Variants in NBAS observed in about 807,000 individuals in gnomAD.
NBAS encodes the protein NAG/BC035112 fusion.
NBAS carries 219 observed loss-of-function variants against 302.5 expected under a neutral mutation model. The ratio of observed to expected loss-of-function variants is 0.72; its 90% CI spans 0.65 to 0.81. The LOEUF is 0.81. Ranked by LOEUF, NBAS falls within the 30% of genes least tolerant of loss-of-function variation. NBAS has a pLI of 0.00. For missense variants in NBAS, 2,932 were observed against 2,841.6 expected, an observed-to-expected ratio of 1.03 and a Z score of -0.72; for synonymous variants, 1,118 against 1,021.6, an observed-to-expected ratio of 1.09 and a Z score of -1.80.
At chr2:15,318,592 T>C (rs1035189521) in intron 38 of NBAS, among the ~76,000 whole-genome samples, 3 of 151,838 alleles carry the variant, frequency 2.0e-5, no homozygotes, top group African/African-American at 7.3e-5. Flanking sequence ...AAAGCAGGGG[T>C]TGCAATCCTA....
At chr2:15,022,501 G>A in the NBAS span, among the ~76,000 whole-genome samples, 3 of 152,038 alleles carry the variant, frequency 2.0e-5, no homozygotes, top group Non-Finnish European at 4.4e-5. Flanking sequence ...TTACAATAGG[G>A]ATCTGAAACT....
At chr2:15,107,063 G>GA in the NBAS span, among the ~76,000 whole-genome samples, 2 of 152,204 alleles carry the variant, frequency 1.3e-5, no homozygotes, top group South Asian at 2.1e-4. Context: ...GGTTCCAAAA[G>GA]AAAAATATTC....
the NBAS span, among the ~76,000 whole-genome samples, chr2:14,922,118 G>T: frequency 6.6e-6 from 1 of 152,184 alleles, no homozygotes; most frequent in Non-Finnish European, 1.5e-5. Flanking sequence ...AGCTTGAAAA[G>T]CCTGACCTCT....
At chr2:14,847,382 T>TAAAAAAAAAA in the NBAS span, among the ~76,000 whole-genome samples, 15 of 53,118 alleles carry the variant, frequency 2.8e-4, no homozygotes, top group East Asian at 1.5e-3. Flanking sequence ...GACTCTATCT[T>TAAAAAAAAAA]AAAAAAAAAA....
intron 42 of NBAS, among the ~76,000 whole-genome samples, chr2:15,286,511 C>T (rs368597905): frequency 6.6e-6 from 1 of 152,206 alleles, no homozygotes; most frequent in African/African-American, 2.4e-5. Flanking sequence ...CCATGTTCCA[C>T]CCAAATCCCT....
intron 21 of NBAS, among the ~76,000 whole-genome samples, chr2:15,443,764 A>G (rs1031770358): frequency 2.0e-5 from 3 of 151,808 alleles, no homozygotes; most frequent in Admixed American, 2.0e-4. Flanking sequence ...CCACTGTCTC[A>G]GCCCAAAATC....
At chr2:15,532,838 A>G (rs1249510906) in intron 9 of NBAS, among the ~76,000 whole-genome samples, 1 of 152,062 alleles carries the variant, frequency 6.6e-6, no homozygotes, top group African/African-American at 2.4e-5. Flanking sequence ...TATAAGAAAA[A>G]ATTTTTAAGA....
intron 44 of NBAS, among the ~76,000 whole-genome samples, chr2:15,242,017 C>G (rs959549007): frequency 1.3e-5 from 2 of 152,196 alleles, no homozygotes; most frequent in Non-Finnish European, 2.9e-5. Flanking sequence ...AGTCATGTTT[C>G]ATTATCGAGA....
intron 21 of NBAS, among the ~76,000 whole-genome samples, chr2:15,430,725 T>G (rs2148490727): frequency 6.6e-6 from 1 of 152,260 alleles, no homozygotes; most frequent in South Asian, 2.1e-4. Flanking sequence ...GACTATAGTC[T>G]AGTCCCCAAC....
At chr2:15,090,094 C>T in the NBAS span, among the ~76,000 whole-genome samples, 14 of 152,268 alleles carry the variant, frequency 9.2e-5, no homozygotes, top group South Asian at 2.9e-3. Context: ...ATAGATAGGA[C>T]TCTGAATTGT....
intron 48 of NBAS, among the ~76,000 whole-genome samples, chr2:15,206,677 G>A (rs865975554): frequency 1.1e-4 from 16 of 152,304 alleles, no homozygotes; most frequent in African/African-American, 3.8e-4. Flanking sequence ...AGCCACTCAG[G>A]CTCCAGCTGT....
At chr2:15,368,090 T>A (rs572042587) in intron 31 of NBAS, among the ~76,000 whole-genome samples, 6 of 151,822 alleles carry the variant, frequency 4.0e-5, no homozygotes, top group Non-Finnish European at 8.8e-5. Flanking sequence ...CACACAAATA[T>A]ACATACACAT....
the NBAS span, among the ~76,000 whole-genome samples, chr2:15,104,745 A>T: frequency 6.6e-6 from 1 of 152,150 alleles, no homozygotes; most frequent in African/African-American, 2.4e-5. Context: ...TCAGCATTGT[A>T]ACTGGTGTGA....
chr2:14,947,749 G>T, the NBAS span, among the ~76,000 whole-genome samples: 2 of 151,768 alleles, frequency 1.3e-5, no homozygotes, highest in Admixed American at 6.6e-5. Flanking sequence ...CCCTGTTCAG[G>T]GTTTGTCAGA....
chr2:14,806,502 T>A, the NBAS span, among the ~76,000 whole-genome samples: 5 of 152,194 alleles, frequency 3.3e-5, no homozygotes, highest in Non-Finnish European at 7.4e-5. Context: ...AAAGAGCGAT[T>A]CCATGCACTT....
the NBAS span, among the ~76,000 whole-genome samples, chr2:14,882,693 G>A: frequency 1.3e-5 from 2 of 152,138 alleles, no homozygotes; most frequent in East Asian, 3.8e-4. Flanking sequence ...GAGCATCATG[G>A]CCTAAATACA....
At chr2:15,509,198 A>G (rs538508421) in intron 10 of NBAS, among the ~76,000 whole-genome samples, 1 of 152,246 alleles carries the variant, frequency 6.6e-6, no homozygotes, top group Non-Finnish European at 1.5e-5. Context: ...AGTGCCACTG[A>G]TATGGACAGA....
At chr2:15,335,858 A>G (rs999890746) in intron 35 of NBAS, among the ~76,000 whole-genome samples, 10 of 152,186 alleles carry the variant, frequency 6.6e-5, no homozygotes, top group Admixed American at 5.2e-4. Context: ...GTTTTTAACT[A>G]TGATTAGTAC....
chr2:15,165,270 G>T (rs1253196115), downstream of NBAS, among the ~76,000 whole-genome samples: 1 of 152,202 alleles, frequency 6.6e-6, no homozygotes. Context: ...GGACATAGGC[G>T]GTGCCATCAG....
Sources: gnomAD v4.1 joint callset for allele counts (sites outside exome capture counted in the v4.1 genomes callset) on GRCh38, gnomAD v4.1.1 for gene constraint, MANE v1.5 for transcripts, NCBI Gene and HGNC (gene_info 2026-07-23, HGNC 2026-07-21) for gene names.